The following COPS4 variants were observed in gnomAD, a reference collection of about 807,000 sequenced individuals.
COPS4 encodes the protein COP9 signalosome subunit 4, also known as COP9 signalosome complex subunit 4.
COPS4 carries 8 observed loss-of-function variants against 55.1 expected under a neutral mutation model. That is an observed-to-expected ratio of 0.15 (90% CI 0.09 to 0.26). The LOEUF (loss-of-function observed/expected upper bound fraction) is 0.26. Ranked by LOEUF, COPS4 falls within the 10% of genes least tolerant of loss-of-function variation. COPS4 has a pLI of 1.00. For synonymous variants in COPS4, 185 were observed against 165.7 expected (o/e 1.12, Z -0.90); for missense variants, 248 against 484.0 (o/e 0.51, Z 4.58).
At chr4:83,068,373 CTT>C in intron 8 of COPS4, 63 bp from the exon 9 acceptor site, 2 of 1,110,306 alleles carry the variant, frequency 1.8e-6, no homozygotes, top group Admixed American at 3.7e-5. Flanking sequence ...TTTCTGTTCT[CTT>C]TTCATATGTG....
chr4:83,057,502 C>A, intron 6 of COPS4, 94 bp downstream of exon 6: 1 of 948,356 alleles, frequency 1.1e-6, no homozygotes, highest in Non-Finnish European at 1.5e-6. Context: ...AGGAACTATT[C>A]TTCAAAAGGA....
At chr4:83,064,583 A>G (rs1201589522) in intron 7 of COPS4, among the ~76,000 whole-genome samples, 2 of 151,948 alleles carry the variant, frequency 1.3e-5, no homozygotes, top group Non-Finnish European at 2.9e-5. Flanking sequence ...GACTGAGGAG[A>G]GAAGTTTTTC....
rs1444680925 is a variant in COPS4, at chr4:83,035,478, C to T, written c.74+180C>T. On this transcript the variant is annotated intron_variant, in intron 1 of 9. Coordinates refer to ENST00000264389, the MANE Select transcript of COPS4 (RefSeq NM_016129.3). ...GGGAGAAGCAGAAAGCTGGAGGGGACCTTGTGCAGGGGCCTTCGAGGCTAT... is the reference window on the plus strand; with the variant it reads ...GGGAGAAGCAGAAAGCTGGAGGGGATCTTGTGCAGGGGCCTTCGAGGCTAT... The T allele has an allele frequency of 1.4e-5, 6 of 432,068 alleles. No homozygotes were observed. In the East Asian group the frequency reaches 1.9e-4, roughly 14 times the overall value. The allele number at this position is 432,068 out of a possible 1,614,324, so 26.8% of individuals were successfully genotyped here. A position where few individuals can be genotyped will look rare whatever the true frequency, so the allele number is the denominator to read the frequency against.
At chr4:83,039,739 T>G (rs1730511507) in intron 1 of COPS4, among the ~76,000 whole-genome samples, 1 of 152,190 alleles carries the variant, frequency 6.6e-6, no homozygotes, top group African/African-American at 2.4e-5. Context: ...TCAAGCAATC[T>G]TCTCGCCTTA....
intron 1 of COPS4, among the ~76,000 whole-genome samples, chr4:83,039,541 A>C (rs1003633256): frequency 3.9e-5 from 6 of 152,016 alleles, no homozygotes; most frequent in Non-Finnish European, 7.4e-5. Flanking sequence ...TTTTGTAAGC[A>C]CTCTGTCACA....
intron 6 of COPS4, among the ~76,000 whole-genome samples, chr4:83,060,186 C>CT (rs70943198): frequency 0.47 from 65,719 of 139,800 alleles, 15,683 homozygotes; most frequent in East Asian, 0.74. Flanking sequence ...TGGTATAGTT[C>CT]TTTTTTTTTT....
intron 9 of COPS4, among the ~76,000 whole-genome samples, chr4:83,072,766 C>T (rs969852055): frequency 6.6e-6 from 1 of 152,106 alleles, no homozygotes; most frequent in African/African-American, 2.4e-5. Flanking sequence ...ATGTTTGCAT[C>T]TATTTCTGTA....
At chr4:83,060,176 TGG>T in intron 6 of COPS4, among the ~76,000 whole-genome samples, 1 of 146,924 alleles carries the variant, frequency 6.8e-6, no homozygotes, top group Non-Finnish European at 1.5e-5. Context: ...ACTTGACAGA[TGG>T]TATAGTTCTT....
intron 2 of COPS4, among the ~76,000 whole-genome samples, chr4:83,046,466 A>G (rs554435895): frequency 6.6e-6 from 1 of 152,312 alleles, no homozygotes; most frequent in Non-Finnish European, 1.5e-5. Context: ...AATTCCACAA[A>G]AAGAAACCCC....
chr4:83,069,767 A>G (rs1731374329), intron 9 of COPS4, among the ~76,000 whole-genome samples: 1 of 152,190 alleles, frequency 6.6e-6, no homozygotes, highest in African/African-American at 2.4e-5. Flanking sequence ...AATTTTAGAT[A>G]TAGATGTGAA....
intron 9 of COPS4, among the ~76,000 whole-genome samples, chr4:83,071,812 A>G (rs948105252): frequency 1.1e-4 from 16 of 152,050 alleles, no homozygotes; most frequent in Non-Finnish European, 2.9e-5. Context: ...CTTGGGTTCA[A>G]GGGATTCCCC....
In COPS4 at chr4:83,072,400, C is replaced by T. The variant is rs1259541314; in HGVS notation, c.1088-2897C>T. On this transcript the variant is annotated intron_variant, in intron 9 of 9. Transcript: ENST00000264389. ...CAGGCATGAGCCACTGCACTGCACC[C>T]GGCCGAATTCTGTCAGGTTTTCTTC... is the stretch of plus-strand genomic sequence containing the variant. Among the ~76,000 whole-genome samples, 4 of 152,098 alleles carry T rather than the reference C, an allele frequency of 2.6e-5. No homozygotes were observed. In the East Asian group the frequency reaches 7.7e-4, roughly 29 times the overall value.
At chr4:83,041,977 G>A (rs1730580186) in intron 1 of COPS4, among the ~76,000 whole-genome samples, 1 of 151,264 alleles carries the variant, frequency 6.6e-6, no homozygotes, top group African/African-American at 2.4e-5. Flanking sequence ...TGATTCTCGT[G>A]CCTCAGCCTC....
intron 9 of COPS4, 55 bp from the exon 10 acceptor site, chr4:83,075,242 G>A (rs1731544298): frequency 6.4e-7 from 1 of 1,561,384 alleles, no homozygotes; most frequent in Non-Finnish European, 8.8e-7. Context: ...TTAACTCACA[G>A]TTGCTGTGAA....
At chr4:83,059,923 G>A (rs533655315) in intron 6 of COPS4, among the ~76,000 whole-genome samples, 1 of 152,024 alleles carries the variant, frequency 6.6e-6, no homozygotes, top group African/African-American at 2.4e-5. Context: ...GGATGGTCTC[G>A]ATCTCCTGAC....
At chr4:83,035,416 G>A in intron 1 of COPS4, 118 bp downstream of exon 1, 1 of 845,862 alleles carries the variant, frequency 1.2e-6, no homozygotes, top group South Asian at 1.4e-5. Context: ...TGACGTCCAA[G>A]GGGGCGGGCC....
At chr4:83,068,312 T>C in intron 8 of COPS4, 126 bp from the exon 9 acceptor site, 1 of 643,432 alleles carries the variant, frequency 1.6e-6, no homozygotes, top group Non-Finnish European at 2.8e-6. Flanking sequence ...ACTCTTCTAG[T>C]GGCAGATTAA....
At chr4:83,068,114 AGTTT>A (rs749937679) in intron 8 of COPS4, among the ~76,000 whole-genome samples, 2 of 152,314 alleles carry the variant, frequency 1.3e-5, no homozygotes, top group East Asian at 1.9e-4. Context: ...AAGAAAAACT[AGTTT>A]GTTTGGGTTT....
chr4:83,058,987 G>T (rs1047584495), intron 6 of COPS4, among the ~76,000 whole-genome samples: 2 of 152,150 alleles, frequency 1.3e-5, no homozygotes, highest in Admixed American at 1.3e-4. Context: ...TCTGGTAGAT[G>T]AAAAACAGTA....
Sources: gnomAD v4.1 joint callset for allele counts (sites outside exome capture counted in the v4.1 genomes callset) on GRCh38, gnomAD v4.1.1 for gene constraint, MANE v1.5 for transcripts, NCBI Gene and HGNC (gene_info 2026-07-23, HGNC 2026-07-21) for gene names.